C9orf85: variants seen among roughly 807,000 people sequenced by gnomAD.
The protein encoded by C9orf85 is uncharacterized protein C9orf85.
A neutral mutation model predicts 14.9 loss-of-function variants in C9orf85; 16 were observed. The observed-to-expected ratio is 1.08, with a 90% CI of 0.73 to 1.63. The LOEUF is 1.63. Ranked by LOEUF, C9orf85 falls within the 40% of genes most tolerant of loss-of-function variation. The probability of loss-of-function intolerance (pLI) is 0.00; values close to 1 mark genes in which losing one functional copy is unlikely to be tolerated. For missense variants in C9orf85, 172 were observed against 186.1 expected (o/e 0.92, Z 0.44); for synonymous variants, 45 against 56.8 (o/e 0.79, Z 0.93).
At position 71,971,477 on chromosome 9, in the gene C9orf85, T is replaced by C. The variant is rs369409806; in HGVS notation, c.210-28T>C. The stretch of plus-strand genomic sequence containing the variant: ...CAAATAAGTCTGAAATAAACATAAA[T>C]AAGTTAACATTTTATTTTTTATTTT... On this transcript the variant is annotated intron_variant, in intron 2 of 3. Coordinates refer to ENST00000334731, the MANE Select transcript of C9orf85 (RefSeq NM_182505.5). 4.6e-6 allele frequency: 6 copies of C among 1,300,818 alleles called. No individual in the cohort carries two copies. In the African/African-American group the frequency reaches 9.1e-5, roughly 20 times the overall value. 80.6% of individuals were successfully genotyped at this position (1,300,818 alleles called of 1,614,324 possible). A position where few individuals can be genotyped will look rare whatever the true frequency, so the allele number is the denominator to read the frequency against.
chr9:71,949,762 A>ATAGTAAACTAAATGAGCTAAGGG (rs1382766802), intron 2 of C9orf85, among the ~76,000 whole-genome samples: 3 of 152,202 alleles, frequency 2.0e-5, no homozygotes, highest in African/African-American at 4.8e-5. Flanking sequence ...AGGGCTAAGC[A>ATAGTAAACTAAATGAGCTAAGGG]TAGTAAACTA....
chr9:71,958,964 T>A (rs537030881), intron 2 of C9orf85, among the ~76,000 whole-genome samples: 17 of 152,242 alleles, frequency 1.1e-4, no homozygotes, highest in African/African-American at 3.6e-4. Context: ...TTAAGTAAAT[T>A]TATAGCCTTT....
intron 1 of C9orf85, among the ~76,000 whole-genome samples, chr9:71,932,785 C>A (rs774576419): frequency 2.0e-5 from 3 of 151,964 alleles, no homozygotes; most frequent in African/African-American, 7.3e-5. Flanking sequence ...ACAGAAACTG[C>A]CTCTGAAAAA....
In C9orf85 at chr9:71,925,636, G is replaced by A. The variant is rs531126949; in HGVS notation, c.102+13800G>A. On this transcript the variant is annotated intron_variant, in intron 1 of 3. Coordinates refer to ENST00000334731, the MANE Select transcript of C9orf85 (RefSeq NM_182505.5). ...GAAAAAATATAGGGAGGCAAAATTC[G>A]AAGAAAAGGAACATATAGCTGAAAG... is the stretch of plus-strand genomic sequence containing the variant. 4.6e-5 allele frequency among the ~76,000 whole-genome samples: 7 copies of A among 152,206 alleles called. No individual in the cohort carries two copies. In the South Asian group the frequency reaches 6.2e-4, roughly 14 times the overall value.
chr9:71,947,243 T>A, intron 2 of C9orf85, 131 bp downstream of exon 2: 1 of 609,006 alleles, frequency 1.6e-6, no homozygotes, highest in Non-Finnish European at 2.8e-6. Context: ...TTCTCCCCTG[T>A]AGAATTTCAT....
chr9:71,923,127 C>A (rs1241483483), intron 1 of C9orf85, among the ~76,000 whole-genome samples: 2 of 152,160 alleles, frequency 1.3e-5, no homozygotes, highest in African/African-American at 4.8e-5. Context: ...AAGACTCCGT[C>A]TCAAAAAAAG....
chr9:71,915,774 T>C (rs187309570), intron 1 of C9orf85, among the ~76,000 whole-genome samples: 45 of 152,356 alleles, frequency 3.0e-4, no homozygotes, highest in African/African-American at 9.9e-4. Flanking sequence ...TTTGCCCTTC[T>C]CATTCAGTAA....
At chr9:71,938,146 T>C (rs1288766188) in intron 1 of C9orf85, among the ~76,000 whole-genome samples, 1 of 152,128 alleles carries the variant, frequency 6.6e-6, no homozygotes, top group African/African-American at 2.4e-5. Context: ...AATTATTACT[T>C]CATATCACAT....
chr9:71,962,858 C>T (rs1019711822), intron 2 of C9orf85, among the ~76,000 whole-genome samples: 2 of 152,128 alleles, frequency 1.3e-5, no homozygotes, highest in Non-Finnish European at 2.9e-5. Flanking sequence ...GAGTTCGAGA[C>T]CAGCCCGGCA....
chr9:71,953,949 A>C (rs187228873), intron 2 of C9orf85, among the ~76,000 whole-genome samples: 3 of 152,126 alleles, frequency 2.0e-5, no homozygotes, highest in Admixed American at 2.0e-4. Context: ...TAATTTTAAA[A>C]ATTAGCCAGG....
chr9:71,975,351 G>A (rs974085689), downstream of C9orf85, among the ~76,000 whole-genome samples: 1 of 150,160 alleles, frequency 6.7e-6, no homozygotes, highest in African/African-American at 2.5e-5. Flanking sequence ...TGAGGCAGGA[G>A]AATCGCTTGA....
At chr9:71,911,904 G>A in intron 1 of C9orf85, 68 bp downstream of exon 1, 1 of 1,404,654 alleles carries the variant, frequency 7.1e-7, no homozygotes, top group African/African-American at 1.4e-5. Context: ...GGGGAGAGAG[G>A]AAATGAGAGG....
intron 3 of C9orf85, among the ~76,000 whole-genome samples, chr9:71,980,174 C>A (rs57863172): frequency 0.016 from 2,462 of 151,976 alleles, 68 homozygotes; most frequent in African/African-American, 0.056. Context: ...CCACCATGCC[C>A]GGCTAATTTT....
chr9:71,971,337 T>A (rs1822856246), intron 2 of C9orf85, among the ~76,000 whole-genome samples, 168 bp from the exon 3 acceptor site: 2 of 152,226 alleles, frequency 1.3e-5, no homozygotes, highest in Admixed American at 1.3e-4. Context: ...AACTGTTATT[T>A]AGAAATGTGA....
intron 1 of C9orf85, among the ~76,000 whole-genome samples, chr9:71,942,192 C>T (rs1821950698): frequency 6.6e-6 from 1 of 152,216 alleles, no homozygotes. Context: ...GGCATTGTAA[C>T]ACTGGCCTAC....
chr9:71,985,294 T>C (rs1296618650), downstream of C9orf85: 1 of 152,232 alleles, frequency 6.6e-6, no homozygotes, highest in Non-Finnish European at 1.5e-5. Context: ...TTGTTCTAGT[T>C]ACAACTTTGT....
chr9:71,971,898 T>TG (rs1361579866), intron 3 of C9orf85, among the ~76,000 whole-genome samples: 7 of 143,578 alleles, frequency 4.9e-5, no homozygotes, highest in African/African-American at 1.0e-4. Flanking sequence ...CGCTTGAACT[T>TG]GGGGGGCAGA....
intron 3 of C9orf85, among the ~76,000 whole-genome samples, chr9:71,982,473 G>C (rs1285869290): frequency 1.3e-5 from 2 of 152,076 alleles, no homozygotes; most frequent in African/African-American, 4.8e-5. Flanking sequence ...CACCAAACTT[G>C]TGGTAATAGC....
chr9:71,926,997 T>TG (rs1197093653), intron 1 of C9orf85, among the ~76,000 whole-genome samples: 2 of 152,042 alleles, frequency 1.3e-5, no homozygotes, highest in Admixed American at 6.5e-5. Context: ...AGGATTATTG[T>TG]GGGAAAAAGA....
Sources: allele counts gnomAD v4.1 joint callset (sites outside exome capture counted in the v4.1 genomes callset), GRCh38; gene constraint gnomAD v4.1.1; transcripts MANE v1.5; gene names NCBI Gene and HGNC (gene_info 2026-07-23, HGNC 2026-07-21).